ADAMTS20: variants seen among roughly 807,000 people sequenced by gnomAD.
The protein encoded by ADAMTS20 is ADAM metallopeptidase with thrombospondin type 1 motif 20.
A neutral mutation model predicts 260.1 loss-of-function variants in ADAMTS20; 225 were observed. The observed-to-expected ratio is 0.87, with a 90% confidence interval of 0.78 to 0.97. The LOEUF (loss-of-function observed/expected upper bound fraction) is 0.97, where lower values mean the gene tolerates loss of function less well. Ranked by LOEUF, ADAMTS20 falls within the 50% of genes least tolerant of loss-of-function variation. The pLI is 0.00. For synonymous variants in ADAMTS20, 802 were observed against 769.5 expected, an observed-to-expected ratio of 1.04 and a Z score of -0.70; for missense variants, 2,400 against 2,337.7, an observed-to-expected ratio of 1.03 and a Z score of -0.55.
chr12:43,367,170 G>A (rs902899730), intron 37 of ADAMTS20, among the ~76,000 whole-genome samples: 29 of 151,512 alleles, frequency 1.9e-4, no homozygotes, highest in Non-Finnish European at 3.8e-4. Flanking sequence ...CAGTACAAGA[G>A]GAAAAAACAC....
At position 43,359,827 on chromosome 12, in the gene ADAMTS20, AC is replaced by A. The variant is rs576528111; in HGVS notation, c.5539-3240del. On this transcript the variant is annotated intron_variant, in intron 37 of 38. Coordinates refer to ENST00000389420, the MANE Select transcript of ADAMTS20 (RefSeq NM_025003.5). ...AGTCTATAAATCCCTCAGACTTAATACAAAATTTAATTCAAAATAAATTGTA... is the reference window on the plus strand; with the variant it reads ...AGTCTATAAATCCCTCAGACTTAATAAAAATTTAATTCAAAATAAATTGTA... Among the ~76,000 whole-genome samples, 253 of 152,366 alleles carry A rather than the reference AC, an allele frequency of 1.7e-3. 1 individual carries two copies. Among genetic ancestry groups the A allele is most frequent in the Non-Finnish European group, 1.8e-3 (125 of 68,038 alleles).
intron 7 of ADAMTS20, among the ~76,000 whole-genome samples, chr12:43,487,952 T>C (rs1455301243): frequency 6.6e-6 from 1 of 152,152 alleles, no homozygotes; most frequent in Non-Finnish European, 1.5e-5. Context: ...TTTCAGATTC[T>C]AAGAAAAAGA....
intron 11 of ADAMTS20, among the ~76,000 whole-genome samples, chr12:43,460,669 G>A (rs1942042870): frequency 6.6e-6 from 1 of 151,766 alleles, no homozygotes; most frequent in Non-Finnish European, 1.5e-5. Flanking sequence ...CCAAACACAA[G>A]AAATGATTCA....
At chr12:43,352,943 C>A (rs554026605), downstream of ADAMTS20, among the ~76,000 whole-genome samples, 1 of 152,076 alleles carries the variant, frequency 6.6e-6, no homozygotes, top group African/African-American at 2.4e-5. Context: ...CACATTGAAA[C>A]AAAATTGTAT....
rs570893445 is a variant in ADAMTS20, at chr12:43,551,990, G to T, written c.-69C>A. On this transcript the variant is annotated 5_prime_UTR_variant, in exon 1 of 39. Coordinates refer to ENST00000389420, the MANE Select transcript of ADAMTS20 (RefSeq NM_025003.5). This position sits in a 1 kb window ranked among gnomAD's most constrained non-coding sequence, Gnocchi z 4.6. ...GCCGGCAGCCAAGCCGGCTTCCCTC[G>T]CGCTCCGATCCCTCTCCTCCCTCTC... The T allele has an allele frequency of 3.5e-5, 47 of 1,350,592 alleles. No individual in the cohort carries two copies. The highest frequency in any genetic ancestry group is 2.3e-4 in the African/African-American group (16 of 69,726). 83.7% of individuals were successfully genotyped at this position (1,350,592 alleles called of 1,614,324 possible).
At chr12:43,423,961 A>G (rs1941283658) in intron 28 of ADAMTS20, 2 of 695,940 alleles carry the variant, frequency 2.9e-6, no homozygotes, top group Non-Finnish European at 5.2e-6. Context: ...TAATATCATC[A>G]GTCACACTTT....
chr12:43,534,890 G>T (rs1354944646), intron 2 of ADAMTS20, among the ~76,000 whole-genome samples: 1 of 152,074 alleles, frequency 6.6e-6, no homozygotes, highest in African/African-American at 2.4e-5. Flanking sequence ...GATGGACTAG[G>T]TATGGCATCG....
intron 28 of ADAMTS20, among the ~76,000 whole-genome samples, chr12:43,419,548 G>A (rs1941190762): frequency 6.6e-6 from 1 of 152,082 alleles, no homozygotes; most frequent in Non-Finnish European, 1.5e-5. Context: ...TTCTTGAGAT[G>A]CTTAAACATT....
intron 23 of ADAMTS20, 102 bp downstream of exon 23, chr12:43,430,250 A>G: frequency 1.4e-6 from 2 of 1,381,402 alleles, no homozygotes; most frequent in Non-Finnish European, 9.6e-7. Context: ...TTTAAGGCAT[A>G]CAAGTTTAAG....
intron 29 of ADAMTS20, among the ~76,000 whole-genome samples, chr12:43,385,682 C>T (rs2137230499): frequency 6.6e-6 from 1 of 152,224 alleles, no homozygotes; most frequent in Admixed American, 6.5e-5. Flanking sequence ...GCCAGTTTTC[C>T]CAACACCATT....
Position 43,551,461 on chromosome 12 carries a change from A to C in ADAMTS20, c.92-191T>G, listed in dbSNP as rs1182438260. Reference sequence around the variant, plus strand: ...GGGACGGTTAGTGCTCTGCTTTCCCACACCCCCAACTTGCCCTACCCTCCC... The same window carrying C: ...GGGACGGTTAGTGCTCTGCTTTCCCCCACCCCCAACTTGCCCTACCCTCCC... On this transcript the variant is annotated intron_variant, in intron 1 of 38. Transcript: ENST00000389420. This position sits in a 1 kb window ranked among gnomAD's most constrained non-coding sequence, Gnocchi z 4.6. Among the ~76,000 whole-genome samples, 1 of 151,766 alleles carries C rather than the reference A, an allele frequency of 6.6e-6. No individual in the cohort carries two copies. The highest frequency in any genetic ancestry group is 1.9e-4 in the East Asian group (1 of 5,134).
At chr12:43,474,216 C>T (rs1406405854) in intron 7 of ADAMTS20, among the ~76,000 whole-genome samples, 12 of 139,274 alleles carry the variant, frequency 8.6e-5, no homozygotes, top group South Asian at 2.5e-4. Flanking sequence ...AACACCTCTA[C>T]GCAAATAAAC....
intron 28 of ADAMTS20, among the ~76,000 whole-genome samples, chr12:43,413,884 A>C (rs1273979842): frequency 2.6e-5 from 4 of 152,124 alleles, no homozygotes; most frequent in African/African-American, 9.7e-5. Flanking sequence ...CCACACTCCT[A>C]AACACTTTCC....
At chr12:43,487,228 C>T (rs1942536647) in intron 7 of ADAMTS20, among the ~76,000 whole-genome samples, 2 of 152,158 alleles carry the variant, frequency 1.3e-5, no homozygotes, top group Non-Finnish European at 2.9e-5. Flanking sequence ...GATTACTACT[C>T]AGACACACAC....
intron 3 of ADAMTS20, among the ~76,000 whole-genome samples, chr12:43,511,068 T>A (rs2137462943): frequency 6.6e-6 from 1 of 152,212 alleles, no homozygotes; most frequent in Non-Finnish European, 1.5e-5. Context: ...CCTTTGTATC[T>A]AGTCACCAAG....
chr12:43,507,372 A>T (rs1942861202), intron 3 of ADAMTS20, among the ~76,000 whole-genome samples: 4 of 152,166 alleles, frequency 2.6e-5, no homozygotes, highest in African/African-American at 9.7e-5. Context: ...GCAGCACTGG[A>T]TATGATTTGC....
At chr12:43,425,482 T>G in intron 28 of ADAMTS20, 32 bp downstream of exon 28, 1 of 1,433,428 alleles carries the variant, frequency 7.0e-7, no homozygotes, top group Non-Finnish European at 9.3e-7. Flanking sequence ...CTTTAAAGTA[T>G]GACATGTTAA....
intron 27 of ADAMTS20, among the ~76,000 whole-genome samples, chr12:43,426,883 C>A (rs1941343340): frequency 1.3e-5 from 2 of 152,116 alleles, no homozygotes; most frequent in Admixed American, 1.3e-4. Context: ...GTGACCTAAA[C>A]CATGACAGAA....
At position 43,532,029 on chromosome 12, in the gene ADAMTS20, A is replaced by G. The variant is rs747114482; in HGVS notation, c.613+7T>C. On this transcript the variant is annotated splice_region_variant and intron_variant, in intron 3 of 38. Coordinates refer to ENST00000389420, the MANE Select transcript of ADAMTS20 (RefSeq NM_025003.5). ...TTAGCTGAAAAGAGTTCTATTTCAC[A>G]GTTTACCTGACACACTGCAATACTT... 3 of 1,501,892 alleles carry G rather than the reference A, an allele frequency of 2.0e-6. No homozygotes were observed. The highest frequency in any genetic ancestry group is 2.0e-5 in the Admixed American group (1 of 49,978). 93.0% of individuals were successfully genotyped at this position (1,501,892 alleles called of 1,614,324 possible). A position where few individuals can be genotyped will look rare whatever the true frequency, so the allele number is the denominator to read the frequency against.
Sources: allele counts gnomAD v4.1 joint callset (sites outside exome capture counted in the v4.1 genomes callset), GRCh38; gene constraint gnomAD v4.1.1; non-coding constraint Gnocchi (gnomAD v3.1); transcripts MANE v1.5; gene names NCBI Gene and HGNC (gene_info 2026-07-23, HGNC 2026-07-21).